The following PCCA variants were observed in gnomAD, a reference collection of about 807,000 sequenced individuals.
The protein encoded by PCCA is propionyl-CoA carboxylase alpha chain, mitochondrial.
A neutral mutation model predicts 101.3 loss-of-function variants in PCCA; 74 were observed. The ratio of observed to expected loss-of-function variants is 0.73; its 90% CI spans 0.61 to 0.89. The LOEUF is 0.89. Among genes scored for constraint, PCCA ranks in the 40% least tolerant of loss-of-function variants. The probability of loss-of-function intolerance (pLI) is 0.00; values close to 1 mark genes in which losing one functional copy is unlikely to be tolerated. For synonymous variants in PCCA, 294 were observed against 313.6 expected (o/e 0.94, Z 0.66); for missense variants, 891 against 907.0 (o/e 0.98, Z 0.23).
At chr13:100,206,897 A>G (rs2058887991) in intron 6 of PCCA, among the ~76,000 whole-genome samples, 1 of 152,180 alleles carries the variant, frequency 6.6e-6, no homozygotes, top group Non-Finnish European at 1.5e-5. Context: ...AAGGACGCAG[A>G]GTAATCTGAG....
At chr13:100,390,218 T>C (rs778350534) in intron 19 of PCCA, among the ~76,000 whole-genome samples, 18 of 152,252 alleles carry the variant, frequency 1.2e-4, no homozygotes, top group Non-Finnish European at 2.6e-4. Flanking sequence ...AGTCAACATG[T>C]ACAATCTACT....
chr13:100,272,421 G>T (rs1365582351), intron 11 of PCCA, among the ~76,000 whole-genome samples: 1 of 151,984 alleles, frequency 6.6e-6, no homozygotes, highest in Non-Finnish European at 1.5e-5. Flanking sequence ...CACAATCCTG[G>T]CCAACAAGAC....
intron 4 of PCCA, among the ~76,000 whole-genome samples, chr13:100,147,131 A>G (rs1211734118): frequency 6.6e-6 from 1 of 152,208 alleles, no homozygotes; most frequent in East Asian, 1.9e-4. Flanking sequence ...CTGCATATCC[A>G]TATGAAAATG....
intron 21 of PCCA, among the ~76,000 whole-genome samples, chr13:100,474,098 G>A (rs1297921895): frequency 6.6e-6 from 1 of 152,162 alleles, no homozygotes; most frequent in Admixed American, 6.5e-5. Context: ...GAATTGAATT[G>A]CTCATATTTG....
At chr13:100,364,376 C>T (rs2074955495) in intron 18 of PCCA, among the ~76,000 whole-genome samples, 1 of 152,164 alleles carries the variant, frequency 6.6e-6, no homozygotes, top group South Asian at 2.1e-4. Flanking sequence ...TTGTTACTAT[C>T]ATAAATCTGT....
At chr13:100,121,581 TCTC>T (rs899126147) in intron 4 of PCCA, among the ~76,000 whole-genome samples, 3 of 151,858 alleles carry the variant, frequency 2.0e-5, no homozygotes, top group Admixed American at 2.0e-4. Flanking sequence ...TTCAAGCAAT[TCTC>T]CTGCTTCAGC....
Position 100,235,865 on chromosome 13 carries a change from T to C in PCCA, c.624T>C (p.Ile208=). The C allele has an allele frequency of 6.2e-7, 1 of 1,607,360 alleles. No individual in the cohort carries two copies. Among genetic ancestry groups the C allele is most frequent in the Non-Finnish European group, 8.5e-7 (1 of 1,173,950 alleles). ...AGGATGCAGAAGAAGCTGTCAGAATTGCAAGGGAAATTGGTAAGTCCTTAA... is the reference window on the plus strand; with the variant it reads ...AGGATGCAGAAGAAGCTGTCAGAATCGCAAGGGAAATTGGTAAGTCCTTAA... ...VVKDAEEAVR[I]AREIGYPVMI... The change falls in exon 8 of 24, where the codon ATT becomes ATC. Residue 208 remains isoleucine (I), a synonymous_variant. Transcript: ENST00000376285.
At chr13:100,165,309 C>T (rs900843776) in intron 6 of PCCA, among the ~76,000 whole-genome samples, 4 of 152,084 alleles carry the variant, frequency 2.6e-5, no homozygotes, top group Non-Finnish European at 5.9e-5. Flanking sequence ...TTTTAATAAC[C>T]ACCAAATCAT....
intron 6 of PCCA, among the ~76,000 whole-genome samples, chr13:100,158,852 A>G (rs2054139265): frequency 6.6e-6 from 1 of 151,926 alleles, no homozygotes; most frequent in South Asian, 2.1e-4. Context: ...TGTGACAGAG[A>G]CCATTTGGCC....
intron 22 of PCCA, among the ~76,000 whole-genome samples, chr13:100,518,874 TCTA>T (rs1422034628): frequency 6.6e-6 from 1 of 152,238 alleles, no homozygotes; most frequent in African/African-American, 2.4e-5. Flanking sequence ...GTTTCAAACT[TCTA>T]CCTTTATGAT....
At chr13:100,311,633 G>A (rs2066923894) in intron 16 of PCCA, among the ~76,000 whole-genome samples, 1 of 152,110 alleles carries the variant, frequency 6.6e-6, no homozygotes, top group South Asian at 2.1e-4. Context: ...AGCCAGGCGT[G>A]GTGGTGGGTG....
At chr13:100,353,645 T>C (rs1448309104) in intron 18 of PCCA, among the ~76,000 whole-genome samples, 2 of 152,150 alleles carry the variant, frequency 1.3e-5, no homozygotes, top group East Asian at 3.9e-4. Context: ...ATGAGAGCTG[T>C]AAGCACATGT....
intron 8 of PCCA, among the ~76,000 whole-genome samples, chr13:100,237,887 A>G (rs1326470458): frequency 3.4e-5 from 5 of 147,704 alleles, no homozygotes; most frequent in Admixed American, 6.7e-5. Context: ...CAGGCCGTGG[A>G]TTGCTTTGCT....
chr13:100,224,042 T>C (rs1244809387), intron 7 of PCCA, among the ~76,000 whole-genome samples: 3 of 152,214 alleles, frequency 2.0e-5, no homozygotes, highest in Non-Finnish European at 1.5e-5. Context: ...TCCCGCGCCG[T>C]GCGCCCGCAC....
intron 20 of PCCA, among the ~76,000 whole-genome samples, chr13:100,428,338 C>T (rs1386436074): frequency 1.5e-5 from 2 of 135,112 alleles, no homozygotes; most frequent in East Asian, 2.3e-4. Flanking sequence ...CCCCTACCCC[C>T]CACCCCCACC....
At chr13:100,379,280 G>A (rs2076093296) in intron 19 of PCCA, among the ~76,000 whole-genome samples, 2 of 152,018 alleles carry the variant, frequency 1.3e-5, no homozygotes, top group African/African-American at 4.8e-5. Context: ...GGTTTTCTGG[G>A]GACAAGGATG....
At chr13:100,301,413 A>T (rs781272824) in intron 12 of PCCA, 47 bp from the exon 13 acceptor site, 1 of 1,608,194 alleles carries the variant, frequency 6.2e-7, no homozygotes, top group African/African-American at 1.3e-5. Context: ...GTTTCTATTT[A>T]TTTACCCTTT....
At chr13:100,403,747 C>G (rs1010964314) in intron 19 of PCCA, among the ~76,000 whole-genome samples, 1 of 152,126 alleles carries the variant, frequency 6.6e-6, no homozygotes, top group Non-Finnish European at 1.5e-5. Flanking sequence ...GGAACAGGGA[C>G]TCTTCAAGGC....
chr13:100,498,450 G>A (rs887869818), intron 21 of PCCA, among the ~76,000 whole-genome samples: 3 of 152,100 alleles, frequency 2.0e-5, no homozygotes, highest in Non-Finnish European at 2.9e-5. Flanking sequence ...GCAAATGAAA[G>A]CTTTACAAAT....
Sources: allele counts gnomAD v4.1 joint callset (sites outside exome capture counted in the v4.1 genomes callset), GRCh38; gene constraint gnomAD v4.1.1; transcripts MANE v1.5; gene names NCBI Gene and HGNC (gene_info 2026-07-23, HGNC 2026-07-21).